Variants in PRDM7 observed in about 807,000 individuals in gnomAD.
The protein encoded by PRDM7 is histone-lysine N-methyltransferase PRDM7.
A neutral mutation model predicts 64.3 loss-of-function variants in PRDM7; 52 were observed. That is an observed-to-expected ratio of 0.81 (90% confidence interval 0.65 to 1.02). PRDM7 has a LOEUF of 1.02. Ranked by LOEUF, PRDM7 falls within the 50% of genes least tolerant of loss-of-function variation. The probability of loss-of-function intolerance (pLI) is 0.00; values close to 1 mark genes in which losing one functional copy is unlikely to be tolerated. For synonymous variants in PRDM7, 192 were observed against 210.1 expected (o/e 0.91, Z 0.74); for missense variants, 574 against 597.1 (o/e 0.96, Z 0.40).
chr16:90,063,633 G>T lies in PRDM7; in HGVS notation c.487C>A (p.Gln163Lys), dbSNP rs1385788203. 2 of 1,613,540 alleles carry T rather than the reference G, an allele frequency of 1.2e-6. No homozygotes were observed. The highest frequency in any genetic ancestry group is 2.7e-5 in the African/African-American group (2 of 74,878). The change falls in exon 6 of 11, where the codon CAG becomes AAG. Residue 163 changes from glutamine to lysine, a missense_variant. By Grantham distance (53) the Gln-to-Lys change is moderately conservative. Coordinates refer to ENST00000449207, the MANE Select transcript of PRDM7 (RefSeq NM_001098173.2). The stretch of plus-strand genomic sequence containing the variant: ...TTACCCAGTTTTAGTCTAGAGTGCT[G>T]TCCAGAGGTACTTGCTTCTCCAGGA... ...SPPGEASTSG[Q>K]HSRLKLELRR... is the part of the protein sequence containing the mutation.
chr16:90,057,598 A>G lies in PRDM7; in HGVS notation c.*691T>C. On this transcript the variant is annotated 3_prime_UTR_variant, in exon 11 of 11. Coordinates refer to ENST00000449207, the MANE Select transcript of PRDM7 (RefSeq NM_001098173.2). ...AAAATGGAGGGGATCAGTGCGGGAA[A>G]CAACCACACATGTTGACGTCCCCCG... 3 of 747,052 alleles carry G rather than the reference A, an allele frequency of 4.0e-6. No individual in the cohort carries two copies. Among genetic ancestry groups the G allele is most frequent in the Non-Finnish European group, 5.4e-6 (3 of 555,088 alleles). 46.3% of individuals were successfully genotyped at this position (747,052 alleles called of 1,614,324 possible). A position where few individuals can be genotyped will look rare whatever the true frequency, so the allele number is the denominator to read the frequency against.
chr16:90,066,839 A>C (rs2151309611), intron 5 of PRDM7, 22 bp downstream of exon 5: 1 of 1,559,874 alleles, frequency 6.4e-7, no homozygotes, highest in Non-Finnish European at 8.8e-7. Context: ...TTTCTTGTCA[A>C]CAGGATTTGG....
At chr16:90,058,571 G>T (rs1418942070) in intron 10 of PRDM7, 37 bp from the exon 11 acceptor site, 18 of 1,591,406 alleles carry the variant, frequency 1.1e-5, no homozygotes, top group African/African-American at 2.7e-5. Context: ...TAGATGTTTT[G>T]TTCAGGCCTT....
Position 90,075,609 on chromosome 16 carries a change from C to T in PRDM7, c.70-135G>A. On this transcript the variant is annotated intron_variant, in intron 2 of 10. Coordinates refer to ENST00000449207, the MANE Select transcript of PRDM7 (RefSeq NM_001098173.2). This position sits in a 1 kb window ranked among gnomAD's most constrained non-coding sequence, Gnocchi z 4.3. ...AAACATAAAGACCTTCCCTCCTTCT[C>T]CAGATTGTGTCCTGTTTAACTGAGC... 6.7e-7 allele frequency: 1 copy of T among 1,482,470 alleles called. No individual in the cohort carries two copies. 91.8% of individuals were successfully genotyped at this position (1,482,470 alleles called of 1,614,324 possible). A position where few individuals can be genotyped will look rare whatever the true frequency, so the allele number is the denominator to read the frequency against.
intron 7 of PRDM7, 99 bp from the exon 8 acceptor site, chr16:90,062,291 TCC>T: frequency 6.2e-7 from 1 of 1,613,794 alleles, no homozygotes; most frequent in Non-Finnish European, 8.5e-7. Flanking sequence ...TTAGCCCCAA[TCC>T]TGTACTTTAA....
chr16:90,060,892 A>G (rs1364257656), intron 9 of PRDM7, among the ~76,000 whole-genome samples: 3 of 152,210 alleles, frequency 2.0e-5, no homozygotes, highest in Admixed American at 2.0e-4. Flanking sequence ...ACATCATTCT[A>G]CACTCAGCTC....
At position 90,060,287 on chromosome 16, in the gene PRDM7, T is replaced by G. The variant is rs1297112767; in HGVS notation, c.1233+54A>C. On this transcript the variant is annotated intron_variant, in intron 10 of 10. Coordinates refer to ENST00000449207, the MANE Select transcript of PRDM7 (RefSeq NM_001098173.2). ...CTTAAGAGTTCAATCATGAAAATTC[T>G]CTAGGATAATTCTTTCTTTCCTGTC... 6 of 1,613,140 alleles carry G rather than the reference T, an allele frequency of 3.7e-6. No individual in the cohort carries two copies. The East Asian group carries it at 8.9e-5, about 24-fold the overall frequency.
At chr16:90,059,352 T>A (rs1434285397) in intron 10 of PRDM7, among the ~76,000 whole-genome samples, 1 of 152,222 alleles carries the variant, frequency 6.6e-6, no homozygotes, top group Non-Finnish European at 1.5e-5. Flanking sequence ...CTGAACCCAT[T>A]TTAAATATAA....
At chr16:90,063,503 C>T in intron 6 of PRDM7, 109 bp downstream of exon 6, 1 of 1,225,152 alleles carries the variant, frequency 8.2e-7, no homozygotes, top group Non-Finnish European at 1.2e-6. Flanking sequence ...ACAGTTGAGT[C>T]CAGCTTAAGC....
chr16:90,060,351 C>A lies in PRDM7; in HGVS notation c.1223G>T (p.Trp408Leu), dbSNP rs2037751271. 1.2e-6 allele frequency: 2 copies of A among 1,613,986 alleles called. No individual in the cohort carries two copies. Among genetic ancestry groups the A allele is most frequent in the South Asian group, 2.2e-5 (2 of 91,076 alleles). ...AATAGTGATGCCTACCTCTCCCTGC[C>A]ATGAGCTCTTTCTTCCACTTGCTGC... ...SGAASGRKSS[W>L]QGENQSQRSI... The change falls in exon 10 of 11, where the codon TGG (tryptophan) becomes TTG (leucine). Residue 408 changes from tryptophan (W) to leucine (L), a missense_variant. Transcript: ENST00000449207.
At chr16:90,072,408 A>C (rs1258653721) in intron 4 of PRDM7, among the ~76,000 whole-genome samples, 2 of 152,174 alleles carry the variant, frequency 1.3e-5, no homozygotes, top group African/African-American at 4.8e-5. Context: ...TTAAAAAAGA[A>C]GAAAATCTTG....
At chr16:90,068,432 G>A (rs1468938016) in intron 4 of PRDM7, among the ~76,000 whole-genome samples, 3 of 150,818 alleles carry the variant, frequency 2.0e-5, no homozygotes, top group Non-Finnish European at 4.4e-5. Flanking sequence ...TCAGGAGATC[G>A]AGACCATCCT....
chr16:90,073,929 C>A (rs1300537735), intron 4 of PRDM7, among the ~76,000 whole-genome samples: 2 of 151,814 alleles, frequency 1.3e-5, no homozygotes, highest in African/African-American at 4.8e-5. Flanking sequence ...ATTATAAGCA[C>A]CCATCACCAT....
chr16:90,063,918 G>A, intron 5 of PRDM7, 150 bp from the exon 6 acceptor site: 2 of 1,006,620 alleles, frequency 2.0e-6, no homozygotes, highest in Non-Finnish European at 2.9e-6. Context: ...CAAGGTCTAA[G>A]TGGGTAGTGA....
rs778516297 is a variant in PRDM7, at chr16:90,062,048, C to T, written c.755G>A (p.Gly252Asp). The T allele has an allele frequency of 4.3e-5, 70 of 1,614,126 alleles. No homozygotes were observed. The highest frequency in any genetic ancestry group is 5.8e-5 in the Non-Finnish European group (68 of 1,180,048). Reference sequence around the variant, plus strand: ...TACTCCAAGCCCAGCCTGAGGGATGCCTGATGGCCCAATTCTCAGCCCCGG... The same window carrying T: ...TACTCCAAGCCCAGCCTGAGGGATGTCTGATGGCCCAATTCTCAGCCCCGG... ...LPPGLRIGPS[G>D]IPQAGLGVWN... The change falls in exon 8 of 11, where the codon GGC becomes GAC. Residue 252 changes from glycine to aspartate, a missense_variant. Coordinates refer to ENST00000449207, the MANE Select transcript of PRDM7 (RefSeq NM_001098173.2).
chr16:90,058,595 G>T (rs1597680207), intron 10 of PRDM7, 61 bp from the exon 11 acceptor site: 3 of 1,545,692 alleles, frequency 1.9e-6, no homozygotes, highest in East Asian at 2.2e-5. Flanking sequence ...ACATATGAAG[G>T]TATGAAGATC....
chr16:90,061,816 C>A, intron 8 of PRDM7, 105 bp downstream of exon 8: 4 of 1,538,740 alleles, frequency 2.6e-6, no homozygotes, highest in Middle Eastern at 1.7e-4. Context: ...CAGAGCTAAC[C>A]ATGTTATCCC....
chr16:90,067,714 C>G (rs897926930), intron 4 of PRDM7, among the ~76,000 whole-genome samples: 3 of 149,994 alleles, frequency 2.0e-5, no homozygotes, highest in African/African-American at 7.5e-5. Flanking sequence ...CCTTAGCCTC[C>G]TGAGTAGCTG....
Position 90,075,770 on chromosome 16 carries a change from A to C in PRDM7, c.69+72T>G. The C allele has an allele frequency of 6.5e-7, 1 of 1,548,386 alleles. No individual in the cohort carries two copies. The highest frequency in any genetic ancestry group is 8.8e-7 in the Non-Finnish European group (1 of 1,130,478). ...TTCAGACAGAGTCACCCAAGGGTAC[A>C]GGCCAGGAGTCTGCAGCACTCCAGA... On this transcript the variant is annotated intron_variant, in intron 2 of 10. Transcript: ENST00000449207. This position sits in a 1 kb window ranked among gnomAD's most constrained non-coding sequence, Gnocchi z 4.3.
Sources: allele counts gnomAD v4.1 joint callset (sites outside exome capture counted in the v4.1 genomes callset), GRCh38; gene constraint gnomAD v4.1.1; non-coding constraint Gnocchi (gnomAD v3.1); transcripts MANE v1.5; gene names NCBI Gene and HGNC (gene_info 2026-07-23, HGNC 2026-07-21).